PTPRD: variants seen among roughly 807,000 people sequenced by gnomAD.
PTPRD encodes receptor-type tyrosine-protein phosphatase delta.
PTPRD carries 34 observed loss-of-function variants against 214.5 expected under a neutral mutation model. The ratio of observed to expected loss-of-function variants is 0.16; its 90% CI spans 0.12 to 0.21. The LOEUF is 0.21. Among genes scored for constraint, PTPRD ranks in the 10% least tolerant of loss-of-function variants. The pLI, the probability that PTPRD is intolerant of heterozygous loss-of-function variation, is 1.00. For missense variants in PTPRD, 2,545 were observed against 2,398.7 expected (o/e 1.06, Z -1.27); for synonymous variants, 1,128 against 845.7 (o/e 1.33, Z -5.79).
chr9:9,476,976 C>T (rs1275047334), intron 8 of PTPRD, among the ~76,000 whole-genome samples: 1 of 152,056 alleles, frequency 6.6e-6, no homozygotes, highest in Non-Finnish European at 1.5e-5. Context: ...TTCAGGTGAT[C>T]CGCCTGCCTC....
chr9:9,120,452 C>T (rs1210944131), intron 10 of PTPRD, among the ~76,000 whole-genome samples: 1 of 152,190 alleles, frequency 6.6e-6, no homozygotes, highest in Admixed American at 6.5e-5. Flanking sequence ...ATCATTGACT[C>T]CTGTATACAT....
rs1455887424 is a variant in PTPRD, at chr9:8,799,140, TCTATAAGA to T, written c.-103-65202_-103-65195del. ...ATCTACATGTCAGAGTCCACAGGTATCTATAAGAAACTTCTCTTTCAAATTTGTCTGTT... is the reference window on the plus strand; with the variant it reads ...ATCTACATGTCAGAGTCCACAGGTATAACTTCTCTTTCAAATTTGTCTGTT... On this transcript the variant is annotated intron_variant, in intron 11 of 45. Transcript: ENST00000381196. Among the ~76,000 whole-genome samples, 13 of 152,234 alleles carry T rather than the reference TCTATAAGA, an allele frequency of 8.5e-5. No homozygotes were observed. The East Asian group carries it at 1.3e-3, about 16-fold the overall frequency.
At chr9:9,242,251 G>A (rs1221806459) in intron 9 of PTPRD, among the ~76,000 whole-genome samples, 3 of 152,090 alleles carry the variant, frequency 2.0e-5, no homozygotes, top group Admixed American at 1.3e-4. Context: ...TGAGTAACCC[G>A]ACCTTTCTCT....
chr9:9,550,516 A>T (rs561837746), intron 8 of PTPRD, among the ~76,000 whole-genome samples: 1 of 148,632 alleles, frequency 6.7e-6, no homozygotes, highest in South Asian at 2.1e-4. Flanking sequence ...ACAATATATT[A>T]TGTATAGTAT....
intron 39 of PTPRD, among the ~76,000 whole-genome samples, chr9:8,349,990 G>T (rs1283518725): frequency 1.3e-5 from 2 of 149,790 alleles, no homozygotes; most frequent in African/African-American, 4.9e-5. Context: ...TTTACAAGCT[G>T]AAAGACTATG....
chr9:8,694,648 A>G (rs936966177), intron 12 of PTPRD, among the ~76,000 whole-genome samples: 3 of 152,228 alleles, frequency 2.0e-5, no homozygotes, highest in Non-Finnish European at 4.4e-5. Context: ...TTGTGCTTAG[A>G]CATTTTTACC....
intron 9 of PTPRD, among the ~76,000 whole-genome samples, chr9:9,202,737 G>C (rs1414024178): frequency 1.3e-5 from 2 of 152,216 alleles, no homozygotes; most frequent in Non-Finnish European, 2.9e-5. Context: ...CATGTAACCT[G>C]AGGACATGCT....
intron 3 of PTPRD, among the ~76,000 whole-genome samples, chr9:10,324,877 A>C (rs1471024193): frequency 2.0e-5 from 3 of 152,056 alleles, no homozygotes; most frequent in African/African-American, 7.2e-5. Context: ...TAACAATCAA[A>C]TGTATAAGTC....
chr9:9,961,770 A>C (rs2094383449), intron 4 of PTPRD, among the ~76,000 whole-genome samples: 1 of 152,100 alleles, frequency 6.6e-6, no homozygotes. Flanking sequence ...CATGATGATC[A>C]ATTATAAAAA....
rs1214730491 is a variant in PTPRD at position 8,376,087 on chromosome 9, C to A, written c.4510G>T (p.Gly1504Cys). 5 of 1,611,870 alleles carry A rather than the reference C, an allele frequency of 3.1e-6. No homozygotes were observed. The highest frequency in any genetic ancestry group is 4.2e-6 in the Non-Finnish European group (5 of 1,178,862). The change falls in exon 39 of 46, where the codon GGT (glycine) becomes TGT (cysteine). Residue 1504 changes from glycine to cysteine, a missense_variant. Transcript: ENST00000381196. ...CTCACTTCTCTCTTCTCACTTGAAC[C>A]ATTCTGTGAAATAGGAATATCAGCT... Reference protein sequence around the residue: ...CVRTFALYKNGSSEKREVRQF... With the variant: ...CVRTFALYKNCSSEKREVRQF...
chr9:10,265,529 C>A (rs915736796), intron 3 of PTPRD, among the ~76,000 whole-genome samples: 1 of 152,166 alleles, frequency 6.6e-6, no homozygotes, highest in African/African-American at 2.4e-5. Flanking sequence ...GATGCAAAAA[C>A]TTACTCTGTA....
At chr9:8,367,439 G>A (rs2080230084) in intron 39 of PTPRD, among the ~76,000 whole-genome samples, 2 of 152,072 alleles carry the variant, frequency 1.3e-5, no homozygotes, top group South Asian at 2.1e-4. Flanking sequence ...GCCCAAGGAC[G>A]CTGCTAAGCA....
At chr9:9,711,155 A>G (rs1204679759) in intron 7 of PTPRD, among the ~76,000 whole-genome samples, 1 of 152,212 alleles carries the variant, frequency 6.6e-6, no homozygotes, top group Non-Finnish European at 1.5e-5. Flanking sequence ...ATTCTAAAAC[A>G]TATGTATAGC....
intron 4 of PTPRD, among the ~76,000 whole-genome samples, chr9:10,028,591 G>T (rs553692739): frequency 1.5e-3 from 222 of 152,256 alleles, no homozygotes; most frequent in Non-Finnish European, 2.4e-3. Flanking sequence ...GTTGGGAACT[G>T]GAGCAAAGGT....
At chr9:10,008,958 CAA>C (rs1479979566) in intron 4 of PTPRD, among the ~76,000 whole-genome samples, 1 of 151,312 alleles carries the variant, frequency 6.6e-6, no homozygotes, top group East Asian at 1.9e-4. Flanking sequence ...TGGAAAATAA[CAA>C]ATGATTGGAT....
chr9:10,036,827 C>G (rs945076392), intron 3 of PTPRD, among the ~76,000 whole-genome samples: 3 of 151,978 alleles, frequency 2.0e-5, no homozygotes, highest in Non-Finnish European at 4.4e-5. Flanking sequence ...TGTGATCTGC[C>G]CGCCTCGGCC....
chr9:9,658,493 C>T (rs2096563284), intron 7 of PTPRD, among the ~76,000 whole-genome samples: 1 of 152,084 alleles, frequency 6.6e-6, no homozygotes, highest in African/African-American at 2.4e-5. Context: ...CAATGAATGA[C>T]ATGTAGTAGG....
chr9:9,367,945 A>G (rs994350422), intron 9 of PTPRD, among the ~76,000 whole-genome samples: 1 of 151,730 alleles, frequency 6.6e-6, no homozygotes, highest in African/African-American at 2.4e-5. Context: ...AGTGCCCAAT[A>G]GGTCATATGA....
chr9:10,504,115 C>CAAAAAAAAAAAAAAAAAA lies in PTPRD; in HGVS notation c.-600+108265_-600+108282dup. Reference sequence around the variant, plus strand: ...TGGGGCACAGAGCGAGACTCTGTCTCAAAAAAAAAAAAAAAAAAAAAAAAA... The same window carrying CAAAAAAAAAAAAAAAAAA: ...TGGGGCACAGAGCGAGACTCTGTCTCAAAAAAAAAAAAAAAAAAAAAAAAAAAAAAAAAAAAAAAAAAA... On this transcript the variant is annotated intron_variant, in intron 2 of 45. Coordinates refer to ENST00000381196, the MANE Select transcript of PTPRD (RefSeq NM_002839.4). Among the ~76,000 whole-genome samples, 55 of 26,960 alleles carry CAAAAAAAAAAAAAAAAAA rather than the reference C, an allele frequency of 2.0e-3. 10 individuals carry two copies. The highest frequency in any genetic ancestry group is 4.3e-3 in the African/African-American group (24 of 5,546). The allele number at this position is 26,960 out of a possible 152,430, so 17.7% of individuals were successfully genotyped here.
Sources: allele counts gnomAD v4.1 joint callset (sites outside exome capture counted in the v4.1 genomes callset), GRCh38; gene constraint gnomAD v4.1.1; transcripts MANE v1.5; gene names NCBI Gene and HGNC (gene_info 2026-07-23, HGNC 2026-07-21).